The following CSMD1 variants were observed in gnomAD, a reference collection of about 807,000 sequenced individuals.
CSMD1 encodes the protein CUB and Sushi multiple domains 1.
In CSMD1, 213 loss-of-function variants were observed where a neutral mutation model predicts 417.5. The observed-to-expected ratio is 0.51, with a 90% CI of 0.46 to 0.57. CSMD1 has a LOEUF of 0.57. Among genes scored for constraint, CSMD1 ranks in the 20% least tolerant of loss-of-function variants. The pLI, the probability that CSMD1 is intolerant of heterozygous loss-of-function variation, is 0.00. For missense variants in CSMD1, 6,923 were observed against 4,529.7 expected, an observed-to-expected ratio of 1.53 and a Z score of -15.17; for synonymous variants, 2,862 against 1,736.8, an observed-to-expected ratio of 1.65 and a Z score of -16.11.
At chr8:4,350,774 A>C (rs1342410994) in intron 3 of CSMD1, among the ~76,000 whole-genome samples, 3 of 152,286 alleles carry the variant, frequency 2.0e-5, no homozygotes, top group Non-Finnish European at 2.9e-5. Flanking sequence ...GAATTTAAGT[A>C]GGTTATTTTT....
At chr8:3,828,837 A>T (rs10110739) in intron 5 of CSMD1, among the ~76,000 whole-genome samples, 52,410 of 150,836 alleles carry the variant, frequency 0.35, 9,264 homozygotes, top group Non-Finnish European at 0.37. Context: ...TGATTGCAAA[A>T]CTCCACGAGA....
intron 3 of CSMD1, among the ~76,000 whole-genome samples, chr8:4,214,749 G>C (rs1221088418): frequency 6.6e-6 from 1 of 152,058 alleles, no homozygotes; most frequent in African/African-American, 2.4e-5. Flanking sequence ...TCCCATATTT[G>C]ACATATTTCC....
intron 2 of CSMD1, among the ~76,000 whole-genome samples, chr8:4,455,074 G>C (rs966745024): frequency 6.6e-6 from 1 of 152,122 alleles, no homozygotes; most frequent in African/African-American, 2.4e-5. Context: ...GAAACTTCGT[G>C]CTATACAGGA....
At chr8:3,681,398 GACAA>G (rs1351355432) in intron 7 of CSMD1, among the ~76,000 whole-genome samples, 10 of 152,176 alleles carry the variant, frequency 6.6e-5, no homozygotes, top group African/African-American at 2.4e-4. Context: ...ACCAATAACA[GACAA>G]ACAGAGAGCC....
intron 10 of CSMD1, among the ~76,000 whole-genome samples, chr8:3,559,438 C>A (rs548867667): frequency 6.6e-6 from 1 of 152,194 alleles, no homozygotes; most frequent in Non-Finnish European, 1.5e-5. Flanking sequence ...CATATTGTAA[C>A]GTTGCCAAGC....
intron 1 of CSMD1, among the ~76,000 whole-genome samples, chr8:4,674,410 G>T (rs1044432135): frequency 6.6e-6 from 1 of 152,120 alleles, no homozygotes; most frequent in Non-Finnish European, 1.5e-5. Flanking sequence ...AAAGGCAAGT[G>T]GAAACAGGTA....
chr8:4,467,951 A>C (rs1419213506), intron 2 of CSMD1, among the ~76,000 whole-genome samples: 1 of 152,168 alleles, frequency 6.6e-6, no homozygotes, highest in East Asian at 1.9e-4. Context: ...TAACAAAGTA[A>C]TATGATGGTT....
chr8:3,621,266 C>T (rs1796230114), intron 7 of CSMD1, among the ~76,000 whole-genome samples: 1 of 152,094 alleles, frequency 6.6e-6, no homozygotes, highest in Admixed American at 6.6e-5. Flanking sequence ...AAACCAAAGA[C>T]ATAGGTTGGC....
intron 3 of CSMD1, among the ~76,000 whole-genome samples, chr8:4,224,981 G>A (rs1034000508): frequency 2.6e-5 from 4 of 152,098 alleles, no homozygotes; most frequent in Admixed American, 6.5e-5. Flanking sequence ...GCGTGGTGCC[G>A]TGCACCTGAA....
chr8:3,040,924 A>G (rs929026736), intron 50 of CSMD1, among the ~76,000 whole-genome samples: 4 of 152,254 alleles, frequency 2.6e-5, no homozygotes, highest in African/African-American at 9.6e-5. Flanking sequence ...TGTTTGCAGC[A>G]TCATGAACAT....
At chr8:4,717,549 C>CCTATCTATCTATCTATCTAT (rs555540196) in intron 1 of CSMD1, among the ~76,000 whole-genome samples, 3 of 148,772 alleles carry the variant, frequency 2.0e-5, no homozygotes, top group African/African-American at 7.7e-5. Context: ...TGTCTGTCTA[C>CCTATCTATCTATCTATCTAT]CTATCTATCT....
chr8:4,934,329 C>T, intron 1 of CSMD1, among the ~76,000 whole-genome samples: 1 of 152,150 alleles, frequency 6.6e-6, no homozygotes, highest in East Asian at 1.9e-4. Context: ...TGTTTTGCAG[C>T]CCTATGTATT....
At chr8:3,885,551 T>C (rs1411124492) in intron 5 of CSMD1, among the ~76,000 whole-genome samples, 1 of 152,174 alleles carries the variant, frequency 6.6e-6, no homozygotes, top group East Asian at 1.9e-4. Context: ...AAAGAACTGT[T>C]GCTCCACCTA....
At chr8:4,243,390 G>C (rs761386671) in intron 3 of CSMD1, among the ~76,000 whole-genome samples, 1 of 152,122 alleles carries the variant, frequency 6.6e-6, no homozygotes, top group Non-Finnish European at 1.5e-5. Flanking sequence ...TTGACTTGGA[G>C]AGAATGACTC....
At chr8:3,154,693 C>T (rs565899346) in intron 39 of CSMD1, among the ~76,000 whole-genome samples, 44 of 152,260 alleles carry the variant, frequency 2.9e-4, no homozygotes, top group African/African-American at 1.0e-3. Context: ...ACTGCGAGAC[C>T]ATTCTGGGGC....
At chr8:4,144,320 G>T (rs983414718) in intron 3 of CSMD1, among the ~76,000 whole-genome samples, 1 of 151,048 alleles carries the variant, frequency 6.6e-6, no homozygotes, top group African/African-American at 2.5e-5. Flanking sequence ...ACATGTCCTG[G>T]CCATATTCAT....
At chr8:4,403,181 G>C (rs1264066153) in intron 3 of CSMD1, among the ~76,000 whole-genome samples, 3 of 152,104 alleles carry the variant, frequency 2.0e-5, no homozygotes, top group African/African-American at 7.2e-5. Context: ...ACATTAGTCT[G>C]ATTACTGAAA....
intron 1 of CSMD1, among the ~76,000 whole-genome samples, chr8:4,693,281 T>G (rs1261523132): frequency 1.3e-5 from 2 of 152,090 alleles, no homozygotes; most frequent in African/African-American, 4.8e-5. Flanking sequence ...CATGGAGAGG[T>G]AGATAGGGAA....
At chr8:3,436,638 C>G (rs902233885) in intron 12 of CSMD1, among the ~76,000 whole-genome samples, 3 of 152,072 alleles carry the variant, frequency 2.0e-5, no homozygotes, top group African/African-American at 7.2e-5. Flanking sequence ...ATAGTGATTA[C>G]ATGTATTTCA....
Sources: allele counts gnomAD v4.1 joint callset (sites outside exome capture counted in the v4.1 genomes callset), GRCh38; gene constraint gnomAD v4.1.1; transcripts MANE v1.5; gene names NCBI Gene and HGNC (gene_info 2026-07-23, HGNC 2026-07-21).